Variants in DHX36 observed in about 807,000 individuals in gnomAD.
DHX36 encodes the protein ATP-dependent DNA/RNA helicase DHX36.
Under a neutral mutation model 139.0 loss-of-function variants are expected in DHX36, and 50 were observed. The ratio of observed to expected loss-of-function variants is 0.36; its 90% CI spans 0.29 to 0.46. The LOEUF (loss-of-function observed/expected upper bound fraction) is 0.46. Among genes scored for constraint, DHX36 ranks in the 20% least tolerant of loss-of-function variants. The pLI is 1.00. For synonymous variants in DHX36, 425 were observed against 401.9 expected (o/e 1.06, Z -0.69); for missense variants, 1,024 against 1,211.3 (o/e 0.85, Z 2.29).
At position 154,324,193 on chromosome 3, in the gene DHX36, T is replaced by C. The variant is rs756248849; in HGVS notation, c.224A>G (p.Lys75Arg). 8 of 1,612,782 alleles carry C rather than the reference T, an allele frequency of 5.0e-6. No individual in the cohort carries two copies. In the South Asian group the frequency reaches 8.8e-5, roughly 18 times the overall value. ...GATTACCTCTTGCCTCTCCGCTTCCTTGTTCTTCTGCCCCTGTTTTTTCGC... is the reference window on the plus strand; with the variant it reads ...GATTACCTCTTGCCTCTCCGCTTCCCTGTTCTTCTGCCCCTGTTTTTTCGC... ...WYAKKQGQKN[K>R]EAERQERAVV... Residue 75 changes from lysine to arginine, a missense_variant, in exon 1 of 25, where the codon AAG becomes AGG. Lys to Arg is a conservative substitution (Grantham distance 26). Around this residue, in one of 4 missense-constraint regions of DHX36, gnomAD observed 293 missense variants for 274.4 expected, o/e 1.07. Transcript: ENST00000496811.
intron 1 of DHX36, among the ~76,000 whole-genome samples, chr3:154,319,590 G>A (rs113942269): frequency 0.012 from 1,790 of 152,232 alleles, 32 homozygotes; most frequent in African/African-American, 0.041. Flanking sequence ...CTGCAGTCCA[G>A]TTCCTTTCAT....
At position 154,309,638 on chromosome 3, in the gene DHX36, T is replaced by G. The variant is rs1168012610; in HGVS notation, c.813+15A>C. ...TTTAAAAAGACAATTTTTAATAAGTTAAGAGATTACTTACTGAAATGGCAC... is the reference window on the plus strand; with the variant it reads ...TTTAAAAAGACAATTTTTAATAAGTGAAGAGATTACTTACTGAAATGGCAC... On this transcript the variant is annotated intron_variant, in intron 5 of 24. Transcript: ENST00000496811. 1.9e-6 allele frequency: 3 copies of G among 1,588,210 alleles called. No individual in the cohort carries two copies. Among genetic ancestry groups the G allele is most frequent in the Middle Eastern group, 1.7e-4 (1 of 5,886 alleles).
chr3:154,318,647 G>C (rs1489017053), intron 1 of DHX36, among the ~76,000 whole-genome samples: 2 of 152,156 alleles, frequency 1.3e-5, no homozygotes, highest in African/African-American at 2.4e-5. Context: ...TAGACTTTAA[G>C]ATACCTTACA....
At chr3:154,319,002 C>T (rs1031681479) in intron 1 of DHX36, 2 of 152,122 alleles carry the variant, frequency 1.3e-5, no homozygotes, top group Admixed American at 1.3e-4. Context: ...AATTTACACT[C>T]TAAATAAAAA....
At chr3:154,296,526 A>G (rs972631268) in intron 12 of DHX36, among the ~76,000 whole-genome samples, 5 of 152,210 alleles carry the variant, frequency 3.3e-5, no homozygotes, top group Admixed American at 3.3e-4. Context: ...CCCACATTTT[A>G]CACATATTTT....
intron 22 of DHX36, among the ~76,000 whole-genome samples, chr3:154,278,316 A>T (rs919159731): frequency 6.6e-5 from 10 of 151,936 alleles, no homozygotes; most frequent in African/African-American, 2.2e-4. Flanking sequence ...AGTCATACAC[A>T]TTTTATCTCA....
chr3:154,321,811 T>C (rs948873471), intron 1 of DHX36, among the ~76,000 whole-genome samples: 1 of 151,242 alleles, frequency 6.6e-6, no homozygotes, highest in Admixed American at 6.6e-5. Flanking sequence ...ATACAAAAAT[T>C]AGCCAAGTGT....
At position 154,311,684 on chromosome 3, in the gene DHX36, A is replaced by T; in HGVS notation, c.604-10T>A. ...GCTTTTCTCTGAAATGCTGAAATTT[A>T]AAAAAAGTTTTAAATTTTCACAGAA... On this transcript the variant is annotated splice_polypyrimidine_tract_variant and intron_variant, in intron 3 of 24. Coordinates refer to ENST00000496811, the MANE Select transcript of DHX36 (RefSeq NM_020865.3). 1 of 1,593,522 alleles carries T rather than the reference A, an allele frequency of 6.3e-7. No homozygotes were observed. The highest frequency in any genetic ancestry group is 1.1e-5 in the South Asian group (1 of 87,072).
chr3:154,274,953 T>C lies in DHX36; in HGVS notation c.*1218A>G, dbSNP rs1719102924. The C allele has an allele frequency of 6.6e-6, 1 of 152,164 alleles. No homozygotes were observed. The allele number at this position is 152,164 out of a possible 1,614,324, so 9.4% of individuals were successfully genotyped here. A position where few individuals can be genotyped will look rare whatever the true frequency, so the allele number is the denominator to read the frequency against. Reference sequence around the variant, plus strand: ...ACTATTCCTTGGCGAAGAAGATAAGTAGCAATAAAATAAAAAGTGTAATAT... The same window carrying C: ...ACTATTCCTTGGCGAAGAAGATAAGCAGCAATAAAATAAAAAGTGTAATAT... On this transcript the variant is annotated 3_prime_UTR_variant, in exon 25 of 25. Transcript: ENST00000496811.
chr3:154,303,206 A>C, intron 9 of DHX36, 123 bp downstream of exon 9: 6 of 691,560 alleles, frequency 8.7e-6, no homozygotes, highest in Non-Finnish European at 1.4e-5. Context: ...AAGTGTGGCT[A>C]ATTCCCAGAA....
chr3:154,294,933 G>GTA lies in DHX36; in HGVS notation c.1605+349_1605+350dup, dbSNP rs562807539. ...TTAAATCTCAAATCATCATCAAACT[G>GTA]TAGTATGTCACAGATCATTAATTTC... On this transcript the variant is annotated intron_variant, in intron 13 of 24. Transcript: ENST00000496811. Among the ~76,000 whole-genome samples the GTA allele has an allele frequency of 2.8e-3, 429 of 152,264 alleles. 3 individuals carry two copies. The highest frequency in any genetic ancestry group is 0.01 in the African/African-American group (417 of 41,564).
chr3:154,321,942 A>AAG (rs993793784), intron 1 of DHX36, among the ~76,000 whole-genome samples: 2 of 151,966 alleles, frequency 1.3e-5, no homozygotes, highest in African/African-American at 4.8e-5. Flanking sequence ...AAAAAAAAAA[A>AAG]AGTCTTCATT....
intron 17 of DHX36, among the ~76,000 whole-genome samples, chr3:154,288,171 A>C (rs1390296491): frequency 7.2e-6 from 1 of 139,836 alleles, no homozygotes; most frequent in East Asian, 2.0e-4. Flanking sequence ...AAAAAAAAAG[A>C]GGAAAAAGAA....
chr3:154,295,389 T>G (rs200712254), intron 12 of DHX36, 50 bp from the exon 13 acceptor site: 1 of 947,360 alleles, frequency 1.1e-6, no homozygotes, highest in East Asian at 2.8e-5. Flanking sequence ...GCAGAAAAGC[T>G]CCATCAAACA....
At chr3:154,283,115 A>C (rs1719380550) in intron 20 of DHX36, 73 bp downstream of exon 20, 2 of 1,192,386 alleles carry the variant, frequency 1.7e-6, no homozygotes, top group Non-Finnish European at 1.2e-6. Flanking sequence ...CTATAGATCT[A>C]ATTGTACAAA....
chr3:154,302,719 C>G (rs978137512), intron 9 of DHX36, among the ~76,000 whole-genome samples: 1 of 152,110 alleles, frequency 6.6e-6, no homozygotes, highest in African/African-American at 2.4e-5. Context: ...GCAGGAGAAC[C>G]AGCAAAAGGG....
intron 8 of DHX36, among the ~76,000 whole-genome samples, chr3:154,304,511 A>G (rs982543970): frequency 6.6e-6 from 1 of 152,208 alleles, no homozygotes; most frequent in East Asian, 1.9e-4. Context: ...AGCCACAGAA[A>G]AACAACAGAA....
intron 17 of DHX36, among the ~76,000 whole-genome samples, chr3:154,286,672 T>A (rs576154410): frequency 6.6e-6 from 1 of 152,000 alleles, no homozygotes; most frequent in African/African-American, 2.4e-5. Context: ...TTGCTAAGAC[T>A]CAATACTGTA....
At chr3:154,315,655 TAC>T (rs888677358) in intron 2 of DHX36, among the ~76,000 whole-genome samples, 7 of 152,092 alleles carry the variant, frequency 4.6e-5, no homozygotes, top group Non-Finnish European at 7.4e-5. Flanking sequence ...GATGCTACAA[TAC>T]ACAGTCTTTG....
Sources: allele counts gnomAD v4.1 joint callset (sites outside exome capture counted in the v4.1 genomes callset), GRCh38; gene constraint gnomAD v4.1.1; regional missense constraint gnomAD v4.1.1; transcripts MANE v1.5; gene names NCBI Gene and HGNC (gene_info 2026-07-23, HGNC 2026-07-21).